MAN1A2: variants seen among roughly 807,000 people sequenced by gnomAD.
MAN1A2 encodes the protein mannosidase alpha class 1A member 2, also known as mannosyl-oligosaccharide 1,2-alpha-mannosidase IB.
In MAN1A2, 26 loss-of-function variants were observed where a neutral mutation model predicts 75.7. The ratio of observed to expected loss-of-function variants is 0.34; its 90% confidence interval spans 0.25 to 0.48. MAN1A2 has a LOEUF of 0.48. MAN1A2 is among the 20% of genes least tolerant of loss of function. The pLI, the probability that MAN1A2 is intolerant of heterozygous loss-of-function variation, is 0.99. For synonymous variants in MAN1A2, 247 were observed against 264.6 expected, an observed-to-expected ratio of 0.93 and a Z score of 0.65; for missense variants, 562 against 775.5, an observed-to-expected ratio of 0.72 and a Z score of 3.27.
chr1:117,497,046 G>T, intron 10 of MAN1A2, 64 bp downstream of exon 10: 3 of 1,343,308 alleles, frequency 2.2e-6, no homozygotes, highest in Non-Finnish European at 3.1e-6. Context: ...AATGTGTTCA[G>T]CAATAAGAAG....
chr1:117,516,764 C>T (rs538733922), intron 12 of MAN1A2, among the ~76,000 whole-genome samples: 54 of 152,056 alleles, frequency 3.6e-4, no homozygotes, highest in Non-Finnish European at 6.5e-4. Flanking sequence ...AGACAAAGCC[C>T]AGCGTGCTCC....
At chr1:117,390,108 T>A (rs2101738201) in intron 1 of MAN1A2, among the ~76,000 whole-genome samples, 1 of 152,312 alleles carries the variant, frequency 6.6e-6, no homozygotes, top group East Asian at 1.9e-4. Context: ...GTTTATTTAT[T>A]TATTATATTT....
At chr1:117,413,790 C>T (rs534395273) in intron 3 of MAN1A2, among the ~76,000 whole-genome samples, 7 of 151,942 alleles carry the variant, frequency 4.6e-5, no homozygotes, top group African/African-American at 1.7e-4. Context: ...TTTCATAGGA[C>T]ACAAATAATA....
chr1:117,433,700 C>T (rs1330561054), intron 5 of MAN1A2, among the ~76,000 whole-genome samples: 1 of 152,128 alleles, frequency 6.6e-6, no homozygotes, highest in Non-Finnish European at 1.5e-5. Context: ...GGAATGCCAT[C>T]GCAATACTGA....
intron 5 of MAN1A2, among the ~76,000 whole-genome samples, chr1:117,429,466 G>T (rs1648506352): frequency 8.3e-6 from 1 of 120,072 alleles, no homozygotes; most frequent in Admixed American, 7.7e-5. Context: ...GGAGGGGGCG[G>T]CTGGCCGGGC....
At chr1:117,381,697 A>T (rs1319983375) in intron 1 of MAN1A2, among the ~76,000 whole-genome samples, 1 of 151,960 alleles carries the variant, frequency 6.6e-6, no homozygotes, top group Non-Finnish European at 1.5e-5. Flanking sequence ...TTGGGTATAT[A>T]CCCAGTAATG....
chr1:117,414,649 C>A (rs1647930122), intron 3 of MAN1A2, 64 bp from the exon 4 acceptor site: 2 of 772,406 alleles, frequency 2.6e-6, no homozygotes, highest in South Asian at 1.6e-5. Context: ...TTTTTTTTCC[C>A]CCCAAAGAGA....
intron 8 of MAN1A2, among the ~76,000 whole-genome samples, chr1:117,484,010 T>C (rs1401647011): frequency 6.6e-6 from 1 of 151,888 alleles, no homozygotes; most frequent in Non-Finnish European, 1.5e-5. Flanking sequence ...ATAACCACAG[T>C]TGACCCTTGA....
intron 1 of MAN1A2, among the ~76,000 whole-genome samples, chr1:117,396,726 G>C (rs974341142): frequency 3.9e-5 from 6 of 152,188 alleles, no homozygotes; most frequent in African/African-American, 1.4e-4. Flanking sequence ...CAGTTGTAAA[G>C]ATTGCTGCAT....
In MAN1A2 at chr1:117,525,259, C is replaced by A; in HGVS notation, c.*2302C>A. The A allele has an allele frequency of 2.6e-6, 1 of 385,592 alleles. No individual in the cohort carries two copies. Among genetic ancestry groups the A allele is most frequent in the Non-Finnish European group, 5.4e-6 (1 of 185,040 alleles). 23.9% of individuals were successfully genotyped at this position (385,592 alleles called of 1,614,324 possible). A position where few individuals can be genotyped will look rare whatever the true frequency, so the allele number is the denominator to read the frequency against. On this transcript the variant is annotated 3_prime_UTR_variant, in exon 13 of 13. Coordinates refer to ENST00000356554, the MANE Select transcript of MAN1A2 (RefSeq NM_006699.5). ...GAAGGGTCTTCTTCACCACTCCTTACCTTCTATGTGATGGAAAGACTAGAG... is the reference window on the plus strand; with the variant it reads ...GAAGGGTCTTCTTCACCACTCCTTAACTTCTATGTGATGGAAAGACTAGAG...
intron 8 of MAN1A2, among the ~76,000 whole-genome samples, chr1:117,480,459 G>T (rs1383489438): frequency 6.6e-6 from 1 of 151,710 alleles, no homozygotes; most frequent in Non-Finnish European, 1.5e-5. Flanking sequence ...AGTGTTTCAT[G>T]TATTTTGTCC....
chr1:117,380,306 C>A (rs1653289512), intron 1 of MAN1A2, among the ~76,000 whole-genome samples: 1 of 152,120 alleles, frequency 6.6e-6, no homozygotes, highest in Non-Finnish European at 1.5e-5. Flanking sequence ...TCTATCCAGG[C>A]TTTGTCCATC....
At chr1:117,397,907 C>T (rs1463495969) in intron 1 of MAN1A2, among the ~76,000 whole-genome samples, 1 of 152,042 alleles carries the variant, frequency 6.6e-6, no homozygotes, top group African/African-American at 2.4e-5. Context: ...CCGCCTTAGC[C>T]TCCCAAAGTG....
chr1:117,388,157 G>A (rs968925066), intron 1 of MAN1A2, among the ~76,000 whole-genome samples: 20 of 150,032 alleles, frequency 1.3e-4, no homozygotes, highest in African/African-American at 4.9e-4. Context: ...TGTCAGTTTG[G>A]AGAGGCCGGA....
chr1:117,376,262 T>A (rs1467222029), intron 1 of MAN1A2, among the ~76,000 whole-genome samples: 1 of 152,214 alleles, frequency 6.6e-6, no homozygotes, highest in African/African-American at 2.4e-5. Flanking sequence ...ATAAGGAAGA[T>A]GGATGCTGCG....
At chr1:117,388,469 A>G (rs61809517) in intron 1 of MAN1A2, among the ~76,000 whole-genome samples, 18,860 of 152,154 alleles carry the variant, frequency 0.12, 1,233 homozygotes, top group Non-Finnish European at 0.14. Flanking sequence ...AGGAAGTATG[A>G]TGCCAACATC....
intron 7 of MAN1A2, among the ~76,000 whole-genome samples, chr1:117,465,669 C>G (rs1390083975): frequency 6.6e-6 from 1 of 152,130 alleles, no homozygotes; most frequent in Non-Finnish European, 1.5e-5. Context: ...CCTCCTCCCA[C>G]CTCCAGGGGC....
intron 8 of MAN1A2, among the ~76,000 whole-genome samples, chr1:117,468,467 G>A (rs1386767472): frequency 6.6e-6 from 1 of 152,096 alleles, no homozygotes; most frequent in Non-Finnish European, 1.5e-5. Flanking sequence ...GCAATCTAAA[G>A]CAGTTCTATC....
rs1557920737 is a variant in MAN1A2 at position 117,368,325 on chromosome 1, ACT to A, written c.145_146del (p.Leu49ValfsTer18). 6.2e-7 allele frequency: 1 copy of A among 1,613,886 alleles called. No homozygotes were observed. The highest frequency in any genetic ancestry group is 8.5e-7 in the Non-Finnish European group (1 of 1,179,968). ...ILLLILSAFI[T>X]LCFGAFFFLP... ...TCTCCTTATTCTTAGTGCCTTCATC[ACT>A]CTGTGTTTTGGGGCATTCTTTTTCC... On this transcript the variant is annotated frameshift_variant, in exon 1 of 13. Coordinates refer to ENST00000356554, the MANE Select transcript of MAN1A2 (RefSeq NM_006699.5). LOFTEE classifies it high-confidence loss of function.
Sources: allele counts gnomAD v4.1 joint callset (sites outside exome capture counted in the v4.1 genomes callset), GRCh38; gene constraint gnomAD v4.1.1; transcripts MANE v1.5; gene names NCBI Gene and HGNC (gene_info 2026-07-23, HGNC 2026-07-21).